Variants in ZNF407 observed in about 807,000 individuals in gnomAD.
The protein encoded by ZNF407 is zinc finger protein 407.
ZNF407 carries 17 observed loss-of-function variants against 131.2 expected under a neutral mutation model. The ratio of observed to expected loss-of-function variants is 0.13; its 90% CI spans 0.09 to 0.19. ZNF407 has a LOEUF of 0.19. ZNF407 is among the 10% of genes least tolerant of loss of function. ZNF407 has a pLI of 1.00. For synonymous variants in ZNF407, 1,156 were observed against 1,062.0 expected (o/e 1.09, Z -1.72); for missense variants, 2,681 against 2,830.6 (o/e 0.95, Z 1.20).
intron 3 of ZNF407, among the ~76,000 whole-genome samples, chr18:74,661,602 AAG>A (rs1269393309): frequency 1.3e-5 from 2 of 151,976 alleles, no homozygotes; most frequent in African/African-American, 4.8e-5. Flanking sequence ...CATTTCTCAA[AAG>A]CACATTTTTT....
chr18:75,002,330 C>T (rs142905865), intron 8 of ZNF407, among the ~76,000 whole-genome samples: 3,818 of 152,218 alleles, frequency 0.025, 152 homozygotes, highest in African/African-American at 0.084. Flanking sequence ...TTCCTCTTCC[C>T]CTCTCCCTCG....
At chr18:74,809,973 GGT>G (rs1970170929) in intron 4 of ZNF407, among the ~76,000 whole-genome samples, 1 of 152,188 alleles carries the variant, frequency 6.6e-6, no homozygotes, top group African/African-American at 2.4e-5. Flanking sequence ...TGGATGTGAT[GGT>G]GCCTTTAACT....
chr18:74,960,193 G>C (rs548755126), intron 8 of ZNF407, among the ~76,000 whole-genome samples: 1 of 152,166 alleles, frequency 6.6e-6, no homozygotes, highest in African/African-American at 2.4e-5. Context: ...TAGAGGACTG[G>C]GTGGAGGGAT....
intron 3 of ZNF407, among the ~76,000 whole-genome samples, chr18:74,725,195 G>C (rs753445829): frequency 6.6e-6 from 1 of 151,970 alleles, no homozygotes; most frequent in Non-Finnish European, 1.5e-5. Context: ...GAGTGCTGTG[G>C]TGCAGTCATG....
chr18:74,649,358 A>T (rs1455972397), intron 3 of ZNF407, among the ~76,000 whole-genome samples: 1 of 152,218 alleles, frequency 6.6e-6, no homozygotes, highest in Non-Finnish European at 1.5e-5. Flanking sequence ...TCTATTTTAG[A>T]AGTGCTGCTG....
At chr18:74,609,381 G>T (rs561676707) in intron 1 of ZNF407, among the ~76,000 whole-genome samples, 1 of 152,146 alleles carries the variant, frequency 6.6e-6, no homozygotes, top group Non-Finnish European at 1.5e-5. Context: ...GTGGTCTACC[G>T]CTCCTAGGCA....
At chr18:74,827,251 G>T (rs2047754384) in intron 4 of ZNF407, among the ~76,000 whole-genome samples, 1 of 152,160 alleles carries the variant, frequency 6.6e-6, no homozygotes, top group Admixed American at 6.5e-5. Flanking sequence ...ACTTGGAGGT[G>T]ATGAAAATTT....
chr18:74,945,417 C>A (rs1266779170), intron 8 of ZNF407, among the ~76,000 whole-genome samples: 2 of 152,172 alleles, frequency 1.3e-5, no homozygotes, highest in African/African-American at 2.4e-5. Context: ...CCCTCCCTTG[C>A]AGACAGCTCG....
Position 74,631,595 on chromosome 18 carries a change from G to T in ZNF407, c.576G>T (p.Gly192=). Residue 192 remains glycine (G), a synonymous_variant, in exon 2 of 9, where the codon GGG becomes GGT. Transcript: ENST00000299687. ...CAGTTCTCAAATGCAGCATCTGTGG[G>T]CATTTGTTTTCTTCTTGCTCTGACT... ...VDTVLKCSIC[G]HLFSSCSDLE... is the part of the protein sequence containing the mutation. The T allele has an allele frequency of 1.2e-6, 2 of 1,613,760 alleles. No homozygotes were observed. The highest frequency in any genetic ancestry group is 1.7e-6 in the Non-Finnish European group (2 of 1,179,904).
chr18:74,835,629 GGTGTGTGTGTGTGTGTGTGT>G (rs60463192), intron 4 of ZNF407, among the ~76,000 whole-genome samples: 20 of 92,200 alleles, frequency 2.2e-4, no homozygotes, highest in Admixed American at 1.0e-3. Context: ...GACAGAGGGG[GGTGTGTGTGTGTGTGTGTGT>G]GTGTGTGTGT....
intron 8 of ZNF407, among the ~76,000 whole-genome samples, chr18:74,944,083 C>T (rs1241844343): frequency 6.6e-6 from 1 of 152,034 alleles, no homozygotes; most frequent in South Asian, 2.1e-4. Context: ...TTATACGAGG[C>T]GCCTGTAGAA....
chr18:74,810,625 CTGTTCTCTAG>C (rs1472907107), intron 4 of ZNF407, among the ~76,000 whole-genome samples: 1 of 152,176 alleles, frequency 6.6e-6, no homozygotes, highest in Non-Finnish European at 1.5e-5. Context: ...CTGGTATTCT[CTGTTCTCTAG>C]TTTTGAGAGT....
intron 3 of ZNF407, among the ~76,000 whole-genome samples, chr18:74,644,655 A>C (rs1010579169): frequency 2.0e-5 from 3 of 151,776 alleles, no homozygotes; most frequent in Non-Finnish European, 4.4e-5. Flanking sequence ...CTTTTATCTC[A>C]CTTGTTGATT....
chr18:74,677,791 G>A (rs541667349), intron 3 of ZNF407, among the ~76,000 whole-genome samples: 1 of 152,140 alleles, frequency 6.6e-6, no homozygotes, highest in Non-Finnish European at 1.5e-5. Flanking sequence ...TTTCTCTTGA[G>A]TTTTGTTGAT....
intron 8 of ZNF407, among the ~76,000 whole-genome samples, chr18:74,993,095 ATACT>A (rs910587753): frequency 2.0e-5 from 3 of 152,224 alleles, no homozygotes; most frequent in South Asian, 4.1e-4. Context: ...AACTAAACAT[ATACT>A]TACTTACCAT....
At chr18:74,979,417 G>A (rs1972563563) in intron 8 of ZNF407, among the ~76,000 whole-genome samples, 3 of 152,114 alleles carry the variant, frequency 2.0e-5, no homozygotes, top group South Asian at 4.2e-4. Flanking sequence ...TCAGCCTCCT[G>A]AGTAGCTGGG....
intron 8 of ZNF407, among the ~76,000 whole-genome samples, chr18:75,020,866 G>A (rs999225238): frequency 2.0e-5 from 3 of 152,180 alleles, no homozygotes; most frequent in African/African-American, 7.2e-5. Context: ...CCTGAACAGA[G>A]GAACTGAAGT....
intron 4 of ZNF407, among the ~76,000 whole-genome samples, chr18:74,853,552 A>G (rs1970818751): frequency 6.6e-6 from 1 of 152,146 alleles, no homozygotes; most frequent in Non-Finnish European, 1.5e-5. Context: ...CTTTTTCATA[A>G]AGTTTTAAAG....
chr18:75,029,829 G>A (rs778696399), intron 8 of ZNF407, among the ~76,000 whole-genome samples: 2 of 152,194 alleles, frequency 1.3e-5, no homozygotes, highest in East Asian at 1.9e-4. Context: ...CAACTGTGGT[G>A]ACAAGAAATA....
Sources: allele counts gnomAD v4.1 joint callset (sites outside exome capture counted in the v4.1 genomes callset), GRCh38; gene constraint gnomAD v4.1.1; transcripts MANE v1.5; gene names NCBI Gene and HGNC (gene_info 2026-07-23, HGNC 2026-07-21).